Variants in GRM5 observed in about 807,000 individuals in gnomAD.
GRM5 encodes glutamate metabotropic receptor 5, also known as metabotropic glutamate receptor 5.
Under a neutral mutation model 83.1 loss-of-function variants are expected in GRM5, and 19 were observed. The ratio of observed to expected loss-of-function variants is 0.23; its 90% CI spans 0.16 to 0.34. The LOEUF (loss-of-function observed/expected upper bound fraction) is 0.34. Ranked by LOEUF, GRM5 falls within the 10% of genes least tolerant of loss-of-function variation. The pLI, the probability that GRM5 is intolerant of heterozygous loss-of-function variation, is 1.00. For synonymous variants in GRM5, 675 were observed against 633.6 expected (o/e 1.07, Z -0.98); for missense variants, 1,160 against 1,588.3 (o/e 0.73, Z 4.58).
intron 3 of GRM5, among the ~76,000 whole-genome samples, chr11:88,783,514 G>A (rs1262536070): frequency 1.3e-5 from 2 of 152,096 alleles, no homozygotes; most frequent in African/African-American, 2.4e-5. Flanking sequence ...GCAACGACAA[G>A]GGAAACAATA....
chr11:88,582,374 G>A lies in GRM5; in HGVS notation c.1690+8227C>T, dbSNP rs543491835. Among the ~76,000 whole-genome samples, 5 of 152,214 alleles carry A rather than the reference G, an allele frequency of 3.3e-5. No homozygotes were observed. The East Asian group carries it at 7.7e-4, about 23-fold the overall frequency. On this transcript the variant is annotated intron_variant, in intron 7 of 9. Transcript: ENST00000305447. ...TAATTTAATGCAATTATTTAAGTAA[G>A]GTTAGGTACCTTCCATTTATATTTG... is the stretch of plus-strand genomic sequence containing the variant.
intron 3 of GRM5, among the ~76,000 whole-genome samples, chr11:88,742,855 G>T (rs1430548207): frequency 1.3e-5 from 2 of 152,052 alleles, no homozygotes; most frequent in Non-Finnish European, 2.9e-5. Flanking sequence ...CTTCTACAGA[G>T]TGTTGGTAGG....
At chr11:88,790,967 T>C (rs1316600340) in intron 3 of GRM5, among the ~76,000 whole-genome samples, 1 of 152,032 alleles carries the variant, frequency 6.6e-6, no homozygotes, top group Non-Finnish European at 1.5e-5. Context: ...CTGGCAGCAA[T>C]GTGGAAGATG....
chr11:89,018,368 G>A (rs995430692), intron 2 of GRM5, among the ~76,000 whole-genome samples: 4 of 152,084 alleles, frequency 2.6e-5, no homozygotes, highest in Non-Finnish European at 4.4e-5. Flanking sequence ...GTACTGTGGC[G>A]AGATCCCTCA....
chr11:88,974,374 G>GAT (rs1939260150), intron 2 of GRM5, among the ~76,000 whole-genome samples: 1 of 147,710 alleles, frequency 6.8e-6, no homozygotes, highest in Non-Finnish European at 1.5e-5. Context: ...CCTGGCAATA[G>GAT]AGATAGATAG....
chr11:89,047,982 T>G lies in GRM5; in HGVS notation c.-110A>C. 1 of 739,924 alleles carries G rather than the reference T, an allele frequency of 1.4e-6. No individual in the cohort carries two copies. The highest frequency in any genetic ancestry group is 1.8e-5 in the South Asian group (1 of 55,788). The allele number at this position is 739,924 out of a possible 1,614,324, so 45.8% of individuals were successfully genotyped here. On this transcript the variant is annotated 5_prime_UTR_variant, in exon 2 of 10. Transcript: ENST00000305447. This position sits in a 1 kb window ranked among gnomAD's most constrained non-coding sequence, Gnocchi z 5.1. ...TACGTTGAGTCGCAAATCAAGAAAT[T>G]AGCCAGCAATTCAGATGTATTTTCT...
chr11:88,786,961 A>C (rs1293145128), intron 3 of GRM5, among the ~76,000 whole-genome samples: 1 of 152,112 alleles, frequency 6.6e-6, no homozygotes, highest in Non-Finnish European at 1.5e-5. Flanking sequence ...TTCAGAATAC[A>C]CAGTAAGTTT....
intron 2 of GRM5, among the ~76,000 whole-genome samples, chr11:88,912,870 T>C (rs2135613323): frequency 6.6e-6 from 1 of 152,340 alleles, no homozygotes. Context: ...GTTGTCCTCA[T>C]GCCAGTCCCT....
At chr11:88,678,380 T>C (rs1201496972) in intron 3 of GRM5, among the ~76,000 whole-genome samples, 1 of 152,166 alleles carries the variant, frequency 6.6e-6, no homozygotes, top group African/African-American at 2.4e-5. Context: ...TCAACTGCTC[T>C]AGTCCATCTT....
At position 88,537,909 on chromosome 11, in the gene GRM5, A is replaced by T. The variant is rs997536481; in HGVS notation, c.2631-12505T>A. On this transcript the variant is annotated intron_variant, in intron 8 of 9. Coordinates refer to ENST00000305447, the MANE Select transcript of GRM5 (RefSeq NM_001143831.3). ...GAGAAATTGCCAGGTAACATATTTCACTGTGTTCTGTGAAAATAATGGAAA... is the reference window on the plus strand; with the variant it reads ...GAGAAATTGCCAGGTAACATATTTCTCTGTGTTCTGTGAAAATAATGGAAA... Among the ~76,000 whole-genome samples, 11 of 152,190 alleles carry T rather than the reference A, an allele frequency of 7.2e-5. 1 individual carries two copies. The highest frequency in any genetic ancestry group is 5.9e-4 in the Admixed American group (9 of 15,268).
Position 88,508,483 on chromosome 11 carries a change from G to T in GRM5, c.*109C>A. On this transcript the variant is annotated 3_prime_UTR_variant, in exon 10 of 10. Transcript: ENST00000305447. The surrounding 1 kb of genome is among the most constrained non-coding windows in gnomAD (Gnocchi z 4.2). ...CGTGTTTCCATTAAGGGGTGCCCTTGGCATCTTCCCCCTGGGCCGTAACCA... is the reference window on the plus strand; with the variant it reads ...CGTGTTTCCATTAAGGGGTGCCCTTTGCATCTTCCCCCTGGGCCGTAACCA... 4 of 782,544 alleles carry T rather than the reference G, an allele frequency of 5.1e-6. No homozygotes were observed. Among genetic ancestry groups the T allele is most frequent in the Non-Finnish European group, 8.1e-6 (4 of 496,384 alleles). The allele number at this position is 782,544 out of a possible 1,614,324, so 48.5% of individuals were successfully genotyped here. A position where few individuals can be genotyped will look rare whatever the true frequency, so the allele number is the denominator to read the frequency against.
chr11:88,836,583 G>A (rs1944098913), intron 3 of GRM5, among the ~76,000 whole-genome samples: 1 of 152,070 alleles, frequency 6.6e-6, no homozygotes, highest in African/African-American at 2.4e-5. Flanking sequence ...CTGGAAATCA[G>A]GAGTTTGAGA....
At chr11:88,996,002 GA>G (rs555124000) in intron 2 of GRM5, among the ~76,000 whole-genome samples, 43 of 144,572 alleles carry the variant, frequency 3.0e-4, no homozygotes, top group Non-Finnish European at 5.0e-4. Flanking sequence ...AAAAAGAAAA[GA>G]AAAAAAAAAG....
intron 3 of GRM5, among the ~76,000 whole-genome samples, chr11:88,712,380 G>A (rs886655145): frequency 6.6e-5 from 10 of 151,920 alleles, no homozygotes; most frequent in Non-Finnish European, 2.9e-5. Context: ...TGCAGTCTAG[G>A]GTGTTTGTTA....
At chr11:88,850,648 A>C (rs1339921674) in intron 2 of GRM5, among the ~76,000 whole-genome samples, 1 of 149,914 alleles carries the variant, frequency 6.7e-6, no homozygotes, top group Non-Finnish European at 1.5e-5. Context: ...TATAATATTC[A>C]GTATATTATA....
At chr11:88,859,550 T>C (rs780023305) in intron 2 of GRM5, among the ~76,000 whole-genome samples, 5 of 152,150 alleles carry the variant, frequency 3.3e-5, no homozygotes, top group Non-Finnish European at 7.4e-5. Context: ...TTCCCACATT[T>C]CTAAAGAAGG....
intron 3 of GRM5, among the ~76,000 whole-genome samples, chr11:88,755,448 A>G (rs932684729): frequency 2.0e-5 from 3 of 152,178 alleles, no homozygotes; most frequent in Non-Finnish European, 2.9e-5. Flanking sequence ...ATGGTAGGAA[A>G]AAATTGAATT....
chr11:89,056,543 CA>C (rs1333842411), intron 1 of GRM5, among the ~76,000 whole-genome samples: 2 of 152,124 alleles, frequency 1.3e-5, no homozygotes, highest in African/African-American at 2.4e-5. Flanking sequence ...TGTCTAAGAA[CA>C]CCAATTTCTT....
At chr11:88,649,385 TTA>T (rs1330147318) in intron 4 of GRM5, among the ~76,000 whole-genome samples, 1 of 141,926 alleles carries the variant, frequency 7.0e-6, no homozygotes, top group Non-Finnish European at 1.5e-5. Flanking sequence ...ATATTATGTA[TTA>T]TATATTATAT....
Sources: allele counts gnomAD v4.1 joint callset (sites outside exome capture counted in the v4.1 genomes callset), GRCh38; gene constraint gnomAD v4.1.1; non-coding constraint Gnocchi (gnomAD v3.1); transcripts MANE v1.5; gene names NCBI Gene and HGNC (gene_info 2026-07-23, HGNC 2026-07-21).